The following BNC2 variants were observed in gnomAD, a reference collection of about 807,000 sequenced individuals.
BNC2 encodes the protein zinc finger protein basonuclin-2.
A neutral mutation model predicts 76.3 loss-of-function variants in BNC2; 20 were observed. The ratio of observed to expected loss-of-function variants is 0.26; its 90% CI spans 0.18 to 0.38. BNC2 has a LOEUF of 0.38. BNC2 is among the 10% of genes least tolerant of loss of function. The probability of loss-of-function intolerance (pLI) is 1.00; values close to 1 mark genes in which losing one functional copy is unlikely to be tolerated. For synonymous variants in BNC2, 582 were observed against 514.8 expected, an observed-to-expected ratio of 1.13 and a Z score of -1.77; for missense variants, 1,382 against 1,399.8, an observed-to-expected ratio of 0.99 and a Z score of 0.20.
At chr9:16,828,072 C>G (rs994345272) in intron 1 of BNC2, among the ~76,000 whole-genome samples, 4 of 152,130 alleles carry the variant, frequency 2.6e-5, no homozygotes, top group African/African-American at 9.7e-5. Flanking sequence ...TATGTTCACA[C>G]TATAAAGTCA....
chr9:16,511,023 T>C (rs995039197), intron 5 of BNC2, among the ~76,000 whole-genome samples: 2 of 151,932 alleles, frequency 1.3e-5, no homozygotes, highest in South Asian at 2.1e-4. Context: ...GAGAGAAGGA[T>C]AGGCAAAACT....
chr9:16,688,859 G>T (rs1187933340), intron 3 of BNC2, among the ~76,000 whole-genome samples: 2 of 152,142 alleles, frequency 1.3e-5, no homozygotes, highest in Non-Finnish European at 2.9e-5. Flanking sequence ...AGGGCAAGTG[G>T]AGGCTGAGTA....
intron 5 of BNC2, among the ~76,000 whole-genome samples, chr9:16,489,956 C>T (rs2131615625): frequency 6.6e-6 from 1 of 152,296 alleles, no homozygotes; most frequent in East Asian, 1.9e-4. Context: ...TTACTTCTTA[C>T]TTAACAATAC....
chr9:16,496,305 C>G (rs188697928), intron 5 of BNC2, among the ~76,000 whole-genome samples: 269 of 152,300 alleles, frequency 1.8e-3, no homozygotes, highest in African/African-American at 6.2e-3. Flanking sequence ...TTCTGTGCTT[C>G]TTTTACTAAG....
chr9:16,625,778 C>T (rs535198192), intron 3 of BNC2: 1 of 152,352 alleles, frequency 6.6e-6, no homozygotes, highest in East Asian at 1.9e-4. Flanking sequence ...TCTACCTAGA[C>T]ATCACTATAA....
intron 1 of BNC2, among the ~76,000 whole-genome samples, chr9:16,829,023 G>C (rs1302894069): frequency 6.6e-6 from 1 of 152,150 alleles, no homozygotes; most frequent in African/African-American, 2.4e-5. Context: ...AGAGCAGAAG[G>C]GAGGCGAGCC....
intron 5 of BNC2, among the ~76,000 whole-genome samples, chr9:16,442,129 C>G (rs1006599637): frequency 2.0e-5 from 3 of 152,028 alleles, no homozygotes; most frequent in African/African-American, 7.2e-5. Context: ...ATGTTATTGA[C>G]AAAATGAGGA....
At chr9:16,450,459 G>C (rs73645973) in intron 5 of BNC2, among the ~76,000 whole-genome samples, 4 of 152,208 alleles carry the variant, frequency 2.6e-5, no homozygotes, top group Non-Finnish European at 5.9e-5. Context: ...AACATTTTCA[G>C]ATGTAAAATA....
intron 5 of BNC2, among the ~76,000 whole-genome samples, chr9:16,486,112 C>A (rs1587084720): frequency 6.6e-6 from 1 of 152,122 alleles, no homozygotes; most frequent in Non-Finnish European, 1.5e-5. Flanking sequence ...GTTTCCACCC[C>A]CGTGCTGGGA....
At chr9:16,527,590 A>G (rs532058611) in intron 5 of BNC2, among the ~76,000 whole-genome samples, 2 of 152,328 alleles carry the variant, frequency 1.3e-5, no homozygotes, top group Admixed American at 1.3e-4. Context: ...AGCAGGCCAG[A>G]GCACCACTTT....
At chr9:16,465,202 A>G (rs1821677985) in intron 5 of BNC2, among the ~76,000 whole-genome samples, 1 of 152,184 alleles carries the variant, frequency 6.6e-6, no homozygotes, top group Non-Finnish European at 1.5e-5. Context: ...TTGAGAGGCT[A>G]AGGCAGGTGG....
At chr9:16,421,184 A>C in intron 6 of BNC2, 5 of 987,864 alleles carry the variant, frequency 5.1e-6, no homozygotes, top group Non-Finnish European at 6.8e-6. Flanking sequence ...TCCACACAAG[A>C]CAATATACAG....
intron 3 of BNC2, among the ~76,000 whole-genome samples, chr9:16,665,434 A>AAAAGAAAGAAAGAAAGAAAG (rs56038950): frequency 1.4e-4 from 16 of 116,166 alleles, no homozygotes; most frequent in Non-Finnish European, 2.2e-4. Flanking sequence ...GAAAGGAAAG[A>AAAAGAAAGAAAGAAAGAAAG]AAAGAAAGAA....
At chr9:16,868,802 G>C (rs964880538) in intron 1 of BNC2, among the ~76,000 whole-genome samples, 28 of 152,210 alleles carry the variant, frequency 1.8e-4, no homozygotes. Context: ...GATTGTGTGT[G>C]TGTGTGTGTT....
chr9:16,821,009 G>T (rs922121410), intron 1 of BNC2, among the ~76,000 whole-genome samples: 1 of 151,982 alleles, frequency 6.6e-6, no homozygotes, highest in African/African-American at 2.4e-5. Flanking sequence ...GAGGCGGGTG[G>T]ATCACTTGAG....
At chr9:16,471,738 T>C (rs1821830084) in intron 5 of BNC2, among the ~76,000 whole-genome samples, 1 of 152,132 alleles carries the variant, frequency 6.6e-6, no homozygotes, top group Non-Finnish European at 1.5e-5. Context: ...TTTTGAAATG[T>C]GAGGACATAA....
At chr9:16,701,380 T>G (rs1823506596) in intron 3 of BNC2, among the ~76,000 whole-genome samples, 1 of 152,226 alleles carries the variant, frequency 6.6e-6, no homozygotes, top group Non-Finnish European at 1.5e-5. Context: ...GGCCTTGATT[T>G]CTTCATCTGT....
chr9:16,495,223 C>A (rs771387547), intron 5 of BNC2, among the ~76,000 whole-genome samples: 20 of 152,114 alleles, frequency 1.3e-4, no homozygotes, highest in Admixed American at 1.1e-3. Context: ...CGTAGTTTAA[C>A]CTCATTGGCT....
intron 1 of BNC2, among the ~76,000 whole-genome samples, chr9:16,825,368 C>T (rs1818430408): frequency 6.6e-6 from 1 of 152,120 alleles, no homozygotes; most frequent in Admixed American, 6.5e-5. Flanking sequence ...GTCTCAATAT[C>T]TCATTCCACA....
Sources: allele counts gnomAD v4.1 joint callset (sites outside exome capture counted in the v4.1 genomes callset), GRCh38; gene constraint gnomAD v4.1.1; transcripts MANE v1.5; gene names NCBI Gene and HGNC (gene_info 2026-07-23, HGNC 2026-07-21).